POLRMT: variants seen among roughly 807,000 people sequenced by gnomAD.
The protein encoded by POLRMT is RNA polymerase mitochondrial, also known as DNA-directed RNA polymerase, mitochondrial.
POLRMT carries 114 observed loss-of-function variants against 132.2 expected under a neutral mutation model. The observed-to-expected ratio is 0.86, with a 90% CI of 0.74 to 1.01. The LOEUF (loss-of-function observed/expected upper bound fraction) is 1.01. POLRMT is among the 50% of genes least tolerant of loss of function. POLRMT has a pLI of 0.00. For synonymous variants in POLRMT, 1,020 were observed against 773.4 expected (o/e 1.32, Z -5.29); for missense variants, 2,003 against 1,729.1 (o/e 1.16, Z -2.81).
intron 10 of POLRMT, 63 bp from the exon 11 acceptor site, chr19:620,550 C>T: frequency 6.8e-7 from 1 of 1,465,894 alleles, no homozygotes; most frequent in Non-Finnish European, 9.1e-7. Flanking sequence ...CGCTGGGAGG[C>T]TGTGTTGCGG....
intron 2 of POLRMT, among the ~76,000 whole-genome samples, chr19:631,199 G>C (rs1276985790): frequency 6.6e-6 from 1 of 151,810 alleles, no homozygotes. Flanking sequence ...ACAGGGCCGC[G>C]CACCTGTGGT....
chr19:631,168 G>T (rs1413589065), intron 2 of POLRMT, among the ~76,000 whole-genome samples: 3 of 149,248 alleles, frequency 2.0e-5, no homozygotes, highest in African/African-American at 7.3e-5. Flanking sequence ...AAAAAAAAAA[G>T]ACTGTTGAAA....
intron 5 of POLRMT, 100 bp downstream of exon 5, chr19:624,619 C>G (rs977948785): frequency 7.4e-7 from 1 of 1,345,716 alleles, no homozygotes; most frequent in Non-Finnish European, 1.0e-6. Context: ...CCAGGTGAGC[C>G]CTGGGCACCG....
In POLRMT at chr19:619,277, G is replaced by C. The variant is rs772725734; in HGVS notation, c.3086C>G (p.Ser1029Cys). 6 of 1,608,358 alleles carry C rather than the reference G, an allele frequency of 3.7e-6. No homozygotes were observed. Among genetic ancestry groups the C allele is most frequent in the Non-Finnish European group, 5.1e-6 (6 of 1,179,232 alleles). Reference protein sequence around the residue: ...DFPQEFVWEASHYLVRQVFKS... With the variant: ...DFPQEFVWEACHYLVRQVFKS... ...GAAGACCTGGCGTACGAGATAGTGA[G>C]AGGCCTCCCACACGAACTCCTGCAG... is the stretch of plus-strand genomic sequence containing the variant. Residue 1029 changes from serine (S) to cysteine (C), a missense_variant, in exon 14 of 21, where the codon TCT becomes TGT. By Grantham distance (112) the Ser-to-Cys change is moderately radical. Coordinates refer to ENST00000588649, the MANE Select transcript of POLRMT (RefSeq NM_005035.4).
At position 619,271 on chromosome 19, in the gene POLRMT, T is replaced by C. The variant is rs774034741; in HGVS notation, c.3092A>G (p.Tyr1031Cys). The C allele has an allele frequency of 1.1e-5, 18 of 1,604,498 alleles. No individual in the cohort carries two copies. The highest frequency in any genetic ancestry group is 1.5e-5 in the Non-Finnish European group (18 of 1,178,020). ...PQEFVWEASHYLVRQVFKSLQ... is the reference protein window; with the variant it reads ...PQEFVWEASHCLVRQVFKSLQ... ...ACTCTTGAAGACCTGGCGTACGAGATAGTGAGAGGCCTCCCACACGAACTC... is the reference window on the plus strand; with the variant it reads ...ACTCTTGAAGACCTGGCGTACGAGACAGTGAGAGGCCTCCCACACGAACTC... Residue 1031 changes from tyrosine to cysteine, a missense_variant, in exon 14 of 21, where the codon TAT becomes TGT. Coordinates refer to ENST00000588649, the MANE Select transcript of POLRMT (RefSeq NM_005035.4).
Position 625,093 on chromosome 19 carries a change from G to A in POLRMT, c.953+31C>T, listed in dbSNP as rs55768440. On this transcript the variant is annotated intron_variant, in intron 4 of 20. Coordinates refer to ENST00000588649, the MANE Select transcript of POLRMT (RefSeq NM_005035.4). ...CTTAAAACCCTGGGAGGGACATGGTGGGGGGTGGGGGCCCTCCCGACACCA... is the reference window on the plus strand; with the variant it reads ...CTTAAAACCCTGGGAGGGACATGGTAGGGGGTGGGGGCCCTCCCGACACCA... 1.8e-3 allele frequency: 2,859 copies of A among 1,599,510 alleles called. 103 individuals are homozygous for A. In the East Asian group the frequency reaches 0.052, roughly 29 times the overall value.
Position 617,865 on chromosome 19 carries a change from G to C in POLRMT, c.3423-16C>G, listed in dbSNP as rs1367798464. On this transcript the variant is annotated splice_polypyrimidine_tract_variant and intron_variant, in intron 17 of 20. Transcript: ENST00000588649. ...CAGGCCCTTCCTGTGGCAGAGCGGA[G>C]GACTCCTGAAGGGAGGGGAGCTCAC... 1 of 1,612,438 alleles carries C rather than the reference G, an allele frequency of 6.2e-7. No homozygotes were observed. The highest frequency in any genetic ancestry group is 1.1e-5 in the South Asian group (1 of 91,050).
In POLRMT at chr19:629,389, T is replaced by C. The variant is rs941720605; in HGVS notation, c.822+151A>G. ...ATTTTCAAAATTTGAGAGTCACACG[T>C]GATTTGTATTTGAAAAGCCTAAAAG... On this transcript the variant is annotated intron_variant, in intron 3 of 20. Transcript: ENST00000588649. 10 of 864,200 alleles carry C rather than the reference T, an allele frequency of 1.2e-5. No homozygotes were observed. The South Asian group carries it at 3.1e-4, about 27-fold the overall frequency. 53.5% of individuals were successfully genotyped at this position (864,200 alleles called of 1,614,324 possible).
intron 15 of POLRMT, 75 bp downstream of exon 15, chr19:618,922 T>A (rs1015599354): frequency 1.1e-5 from 15 of 1,381,214 alleles, no homozygotes; most frequent in Non-Finnish European, 1.4e-5. Flanking sequence ...GGTGGTACGC[T>A]GGGGCACTGG....
chr19:622,595 G>C lies in POLRMT; in HGVS notation c.1613C>G (p.Ala538Gly), dbSNP rs1984703940. Residue 538 changes from alanine (A) to glycine (G), a missense_variant, in exon 8 of 21, where the codon GCC becomes GGC. Physicochemically the swap from Ala to Gly is moderately conservative, Grantham distance 60 (BLOSUM62 0). Transcript: ENST00000588649. ...NHYRKYLCLL[A>G]SDAEVPEPCL... ...TGCGAGCCTCACCTCGGCGTCGGAG[G>C]CCAGCAAGCAGAGGTACTTCCTGTA... 7 of 1,602,926 alleles carry C rather than the reference G, an allele frequency of 4.4e-6. No individual in the cohort carries two copies. The highest frequency in any genetic ancestry group is 6.0e-6 in the Non-Finnish European group (7 of 1,175,118).
rs1169810486 is a variant in POLRMT, at chr19:621,098, ACCT to A, written c.2597_2599del (p.Glu866del). On this transcript the variant is annotated inframe_deletion, in exon 10 of 21. Transcript: ENST00000588649. ...CGCGGAGTCCAGGATGTCATCCATCACCTCCTCCGCAAAGGCCAGGCGCTTCCG... is the reference window on the plus strand; with the variant it reads ...CGCGGAGTCCAGGATGTCATCCATCACCTCCGCAAAGGCCAGGCGCTTCCG... 1 of 1,609,818 alleles carries A rather than the reference ACCT, an allele frequency of 6.2e-7. No individual in the cohort carries two copies. The highest frequency in any genetic ancestry group is 8.5e-7 in the Non-Finnish European group (1 of 1,178,390).
In POLRMT at chr19:619,998, G is replaced by A. The variant is rs775160873; in HGVS notation, c.2846C>T (p.Ser949Leu). 6.3e-6 allele frequency: 10 copies of A among 1,593,014 alleles called. No homozygotes were observed. Among genetic ancestry groups the A allele is most frequent in the East Asian group, 2.3e-5 (1 of 44,332 alleles). Residue 949 changes from serine (S) to leucine (L), a missense_variant, in exon 12 of 21, where the codon TCG becomes TTG. Coordinates refer to ENST00000588649, the MANE Select transcript of POLRMT (RefSeq NM_005035.4). ...VGAASVNLEP[S>L]DVPQDVYSGV... ...GCTGTACACGTCCTGCGGCACATCC[G>A]AGGGCTCCAGGTTGACGGAGGCGGC...
At chr19:619,926 G>A (rs1272464642) in intron 12 of POLRMT, 32 bp downstream of exon 12, 9 of 1,599,300 alleles carry the variant, frequency 5.6e-6, no homozygotes, top group Middle Eastern at 2.1e-4. Flanking sequence ...CCCCCACGCC[G>A]AGATGCCCCC....
chr19:621,345 G>A lies in POLRMT; in HGVS notation c.2353C>T (p.Leu785=), dbSNP rs756671253. The A allele has an allele frequency of 1.2e-5, 19 of 1,584,638 alleles. No individual in the cohort carries two copies. In the East Asian group the frequency reaches 2.3e-4, roughly 19 times the overall value. The change falls in exon 10 of 21, where the codon CTG becomes TTG. Residue 785 remains leucine, a synonymous_variant. Coordinates refer to ENST00000588649, the MANE Select transcript of POLRMT (RefSeq NM_005035.4). The part of the protein sequence containing the change: ...LRAEALYRLS[L]AQHLRDRVFW... ...ACGCGGTCCCGCAGGTGCTGCGCCA[G>A]CGAGAGGCGGTACAGCGCCTCCGCC...
chr19:633,518 A>ACGCCGCTCCAGGCGCCGCCGCCGC lies in POLRMT; in HGVS notation c.-7_-6insGCGGCGGCGGCGCCTGGAGCGGCG. ...CCCCAGCAAAGTGCCGACATTACGCACGCCGCTCCAGGCCACCCCACCGGC... is the reference window on the plus strand; with the variant it reads ...CCCCAGCAAAGTGCCGACATTACGCACGCCGCTCCAGGCGCCGCCGCCGCCGCCGCTCCAGGCCACCCCACCGGC... On this transcript the variant is annotated 5_prime_UTR_variant, in exon 1 of 21. Transcript: ENST00000588649. 1 of 836,722 alleles carries ACGCCGCTCCAGGCGCCGCCGCCGC rather than the reference A, an allele frequency of 1.2e-6. No homozygotes were observed. Among genetic ancestry groups the ACGCCGCTCCAGGCGCCGCCGCCGC allele is most frequent in the Non-Finnish European group, 1.7e-6 (1 of 582,892 alleles). The allele number at this position is 836,722 out of a possible 1,614,324, so 51.8% of individuals were successfully genotyped here. A position where few individuals can be genotyped will look rare whatever the true frequency, so the allele number is the denominator to read the frequency against.
Position 618,605 on chromosome 19 carries a change from C to G in POLRMT, c.3324-19G>C, listed in dbSNP as rs377084572. On this transcript the variant is annotated intron_variant, in intron 16 of 20. Coordinates refer to ENST00000588649, the MANE Select transcript of POLRMT (RefSeq NM_005035.4). ...GGGCTTTCTGAGGACGGAACAGGTGCCGGTGGGGGCGGCCCAGGGACACCC... is the reference window on the plus strand; with the variant it reads ...GGGCTTTCTGAGGACGGAACAGGTGGCGGTGGGGGCGGCCCAGGGACACCC... 1.9e-4 allele frequency: 312 copies of G among 1,604,270 alleles called. No homozygotes were observed. The highest frequency in any genetic ancestry group is 2.5e-4 in the Non-Finnish European group (299 of 1,172,590).
intron 15 of POLRMT, 106 bp downstream of exon 15, chr19:618,891 G>T (rs774766402): frequency 2.2e-6 from 3 of 1,356,336 alleles, no homozygotes; most frequent in Non-Finnish European, 2.0e-6. Flanking sequence ...GTGGCACACT[G>T]GGGCGGTGGT....
In POLRMT at chr19:624,272, AGATGGGGAGGG is replaced by A. The variant is rs201696169; in HGVS notation, c.1140+436_1140+446del. Among the ~76,000 whole-genome samples, 55 of 152,290 alleles carry A rather than the reference AGATGGGGAGGG, an allele frequency of 3.6e-4. 1 individual carries two copies. In the East Asian group the frequency reaches 9.1e-3, roughly 25 times the overall value. ...GAATGTCCAGAGCAGACTCATCCACAGATGGGGAGGGGATGGGGAGTGACGGGGATGGGGAC... is the reference window on the plus strand; with the variant it reads ...GAATGTCCAGAGCAGACTCATCCACAGATGGGGAGTGACGGGGATGGGGAC... On this transcript the variant is annotated intron_variant, in intron 5 of 20. Transcript: ENST00000588649.
At chr19:618,316 C>A (rs1984178386) in intron 17 of POLRMT, 172 bp downstream of exon 17, 2 of 601,912 alleles carry the variant, frequency 3.3e-6, no homozygotes, top group Admixed American at 3.0e-5. Context: ...GCCAGGACCA[C>A]CTACATTCGG....
Sources: gnomAD v4.1 joint callset for allele counts (sites outside exome capture counted in the v4.1 genomes callset) on GRCh38, gnomAD v4.1.1 for gene constraint, MANE v1.5 for transcripts, NCBI Gene and HGNC (gene_info 2026-07-23, HGNC 2026-07-21) for gene names.